MAP7: variants seen among roughly 807,000 people sequenced by gnomAD.
MAP7 encodes ensconsin.
In MAP7, 52 loss-of-function variants were observed where a neutral mutation model predicts 94.8. That is an observed-to-expected ratio of 0.55 (90% CI 0.44 to 0.69). MAP7 has a LOEUF of 0.69. Ranked by LOEUF, MAP7 falls within the 30% of genes least tolerant of loss-of-function variation. The pLI, the probability that MAP7 is intolerant of heterozygous loss-of-function variation, is 0.00. For missense variants in MAP7, 940 were observed against 964.6 expected (o/e 0.97, Z 0.34); for synonymous variants, 350 against 357.0 (o/e 0.98, Z 0.22).
At chr6:136,526,275 G>A (rs12193830) in intron 1 of MAP7, 119,634 of 1,060,890 alleles carry the variant, frequency 0.11, 5,940 homozygotes, top group Middle Eastern at 0.15. Flanking sequence ...GTACACGCGC[G>A]CGCACACACA....
At chr6:136,456,573 G>A (rs1203147646) in intron 1 of MAP7, among the ~76,000 whole-genome samples, 1 of 151,826 alleles carries the variant, frequency 6.6e-6, no homozygotes, top group Non-Finnish European at 1.5e-5. Flanking sequence ...TTGGAAGGCT[G>A]AGGTGGAAGG....
intron 1 of MAP7, among the ~76,000 whole-genome samples, chr6:136,503,507 T>C (rs931244815): frequency 2.6e-5 from 4 of 152,152 alleles, no homozygotes; most frequent in African/African-American, 4.8e-5. Flanking sequence ...CGCACAGTGC[T>C]GGTACCATCT....
intron 3 of MAP7, among the ~76,000 whole-genome samples, chr6:136,410,954 T>C (rs1787245094): frequency 6.6e-6 from 1 of 152,194 alleles, no homozygotes; most frequent in Non-Finnish European, 1.5e-5. Flanking sequence ...CAGGTATATT[T>C]CAAGAGAGTA....
intron 5 of MAP7, 34 bp downstream of exon 5, chr6:136,388,359 A>C: frequency 6.6e-7 from 1 of 1,505,390 alleles, no homozygotes; most frequent in South Asian, 1.2e-5. Context: ...TTTCAGGAAA[A>C]TAAAGACTAA....
At chr6:136,350,974 G>A (rs568387538) in intron 16 of MAP7, among the ~76,000 whole-genome samples, 3 of 152,086 alleles carry the variant, frequency 2.0e-5, no homozygotes, top group Admixed American at 6.5e-5. Context: ...TATAATAATC[G>A]GAAGACAAGC....
intron 10 of MAP7, chr6:136,364,653 A>G (rs751909080): frequency 4.4e-5 from 8 of 180,654 alleles, no homozygotes; most frequent in South Asian, 2.4e-4. Context: ...AATACATTGT[A>G]CATTCCTCCT....
chr6:136,405,354 TG>T (rs1432968194), intron 3 of MAP7, among the ~76,000 whole-genome samples: 1 of 152,150 alleles, frequency 6.6e-6, no homozygotes, highest in African/African-American at 2.4e-5. Context: ...TTGAGGGAGC[TG>T]AAAATTTGAG....
In MAP7 at chr6:136,365,936, G is replaced by T. The variant is rs1442856137; in HGVS notation, c.1072C>A (p.Pro358Thr). 6.2e-7 allele frequency: 1 copy of T among 1,614,058 alleles called. No individual in the cohort carries two copies. The highest frequency in any genetic ancestry group is 1.1e-5 in the South Asian group (1 of 91,080). The change falls in exon 10 of 18, where the codon CCT (proline) becomes ACT (threonine). Residue 358 changes from proline to threonine, a missense_variant. Transcript: ENST00000354570. ...GGGGATGGGGGCCGGACCTGAGCAG[G>T]AGCAGCTTTGACTGAGCCGGGTGGC... ...SLPPGSVKAAPAQVRPPSPGN... is the reference protein window; with the variant it reads ...SLPPGSVKAATAQVRPPSPGN...
intron 6 of MAP7, among the ~76,000 whole-genome samples, chr6:136,378,811 A>G (rs2128625877): frequency 6.6e-6 from 1 of 152,376 alleles, no homozygotes; most frequent in Non-Finnish European, 1.5e-5. Context: ...AAATATCAGT[A>G]AAGCTTGCAA....
At chr6:136,518,229 T>G (rs1186522819) in intron 1 of MAP7, among the ~76,000 whole-genome samples, 1 of 152,172 alleles carries the variant, frequency 6.6e-6, no homozygotes, top group African/African-American at 2.4e-5. Flanking sequence ...CCATATATAT[T>G]CAAGATCAAA....
intron 1 of MAP7, among the ~76,000 whole-genome samples, chr6:136,444,032 C>T (rs913886716): frequency 4.6e-5 from 7 of 152,142 alleles, no homozygotes; most frequent in African/African-American, 1.4e-4. Flanking sequence ...CAATATTATT[C>T]GACTTTATTC....
intron 1 of MAP7, among the ~76,000 whole-genome samples, chr6:136,427,484 T>C (rs1487907258): frequency 6.6e-6 from 1 of 152,182 alleles, no homozygotes; most frequent in Non-Finnish European, 1.5e-5. Context: ...AATAGTGCAG[T>C]CTCATTTGCT....
chr6:136,360,918 C>G, intron 12 of MAP7, 87 bp downstream of exon 12: 1 of 1,545,930 alleles, frequency 6.5e-7, no homozygotes, highest in Non-Finnish European at 8.7e-7. Flanking sequence ...GCGGGAGCAC[C>G]AGCAGTCCAG....
At chr6:136,402,778 C>T (rs960628077) in intron 3 of MAP7, among the ~76,000 whole-genome samples, 31 of 151,456 alleles carry the variant, frequency 2.0e-4, no homozygotes, top group Non-Finnish European at 1.3e-4. Flanking sequence ...CGGTGGCGGG[C>T]GCCTGTAGTC....
chr6:136,379,017 G>A (rs554255564), intron 6 of MAP7, among the ~76,000 whole-genome samples: 1 of 152,220 alleles, frequency 6.6e-6, no homozygotes, highest in East Asian at 1.9e-4. Context: ...ATGCCACTGT[G>A]ACTGGATTAA....
intron 1 of MAP7, among the ~76,000 whole-genome samples, chr6:136,474,721 CTT>C (rs55694865): frequency 2.0e-3 from 291 of 144,966 alleles, no homozygotes; most frequent in Non-Finnish European, 2.5e-3. Flanking sequence ...CAATCTAAAA[CTT>C]TTTTTTTTTT....
chr6:136,376,248 G>A (rs1344609285), intron 7 of MAP7, among the ~76,000 whole-genome samples: 2 of 152,032 alleles, frequency 1.3e-5, no homozygotes, highest in Admixed American at 6.5e-5. Context: ...ACAGGCGCCC[G>A]CCACCACGCC....
intron 1 of MAP7, among the ~76,000 whole-genome samples, chr6:136,516,223 C>T (rs1344008454): frequency 2.0e-5 from 3 of 152,004 alleles, no homozygotes; most frequent in East Asian, 1.9e-4. Context: ...TATAGTGCTA[C>T]GATCATGGCT....
At chr6:136,538,849 C>T (rs1465797885) in intron 1 of MAP7, among the ~76,000 whole-genome samples, 5 of 147,896 alleles carry the variant, frequency 3.4e-5, no homozygotes, top group East Asian at 2.0e-4. Flanking sequence ...GGGTGTTTAG[C>T]GTGATCACAT....
Sources: gnomAD v4.1 joint callset for allele counts (sites outside exome capture counted in the v4.1 genomes callset) on GRCh38, gnomAD v4.1.1 for gene constraint, MANE v1.5 for transcripts, NCBI Gene and HGNC (gene_info 2026-07-23, HGNC 2026-07-21) for gene names.